Variants in MTA3 observed in about 807,000 individuals in gnomAD.
MTA3 encodes the protein metastasis-associated protein MTA3.
Under a neutral mutation model 83.5 loss-of-function variants are expected in MTA3, and 34 were observed. The observed-to-expected ratio is 0.41, with a 90% CI of 0.31 to 0.54. MTA3 has a LOEUF of 0.54. MTA3 is among the 20% of genes least tolerant of loss of function. The pLI is 0.33. For synonymous variants in MTA3, 303 were observed against 252.7 expected (o/e 1.20, Z -1.89); for missense variants, 761 against 726.4 (o/e 1.05, Z -0.55).
chr2:42,525,079 G>A (rs1675624059), intron 2 of MTA3, among the ~76,000 whole-genome samples: 1 of 151,550 alleles, frequency 6.6e-6, no homozygotes, highest in East Asian at 1.9e-4. Flanking sequence ...TTTAGCGTTA[G>A]GTATATCTCC....
chr2:42,661,173 T>C (rs1389003238), intron 8 of MTA3, among the ~76,000 whole-genome samples: 2 of 152,200 alleles, frequency 1.3e-5, no homozygotes, highest in East Asian at 1.9e-4. Context: ...TTCAGTTGTT[T>C]AGAGCTTCGA....
At chr2:42,649,420 A>G (rs1280112365) in intron 6 of MTA3, among the ~76,000 whole-genome samples, 2 of 152,150 alleles carry the variant, frequency 1.3e-5, no homozygotes, top group Non-Finnish European at 2.9e-5. Flanking sequence ...CTCCAAAAAA[A>G]AAAAAGCTGT....
chr2:42,627,800 A>G (rs547653143), intron 4 of MTA3, among the ~76,000 whole-genome samples: 21 of 147,670 alleles, frequency 1.4e-4, no homozygotes, highest in Admixed American at 3.5e-4. Flanking sequence ...CTGGTCTCAA[A>G]CTCCTGACCT....
In MTA3 at chr2:42,621,240, A is replaced by G. The variant is rs965071993; in HGVS notation, c.317+11656A>G. 3.9e-5 allele frequency among the ~76,000 whole-genome samples: 6 copies of G among 152,064 alleles called. No homozygotes were observed. In the East Asian group the frequency reaches 1.2e-3, roughly 29 times the overall value. On this transcript the variant is annotated intron_variant, in intron 4 of 16. Transcript: ENST00000405094. The stretch of plus-strand genomic sequence containing the variant: ...GGAAGGTCAGCAGATAAACAAGTGA[A>G]CAAAGGTCTCTGGTTTTCCTAGGCA...
chr2:42,523,994 AC>A (rs1268847345), intron 2 of MTA3, among the ~76,000 whole-genome samples: 1 of 152,136 alleles, frequency 6.6e-6, no homozygotes, highest in Non-Finnish European at 1.5e-5. Flanking sequence ...AAGAAAAAAA[AC>A]CAGTAACTTA....
At chr2:42,686,105 A>G (rs367568168) in intron 9 of MTA3, among the ~76,000 whole-genome samples, 113 of 152,292 alleles carry the variant, frequency 7.4e-4, no homozygotes, top group African/African-American at 2.6e-3. Flanking sequence ...TGAGTTTTTT[A>G]AAGTGGTTTC....
At chr2:42,501,914 G>A (rs2103644521) in intron 2 of MTA3, among the ~76,000 whole-genome samples, 1 of 152,250 alleles carries the variant, frequency 6.6e-6, no homozygotes, top group South Asian at 2.1e-4. Flanking sequence ...GTAGACAGAG[G>A]TTGAGGTGAG....
chr2:42,561,328 C>T (rs944434156), intron 2 of MTA3, among the ~76,000 whole-genome samples: 4 of 143,854 alleles, frequency 2.8e-5, no homozygotes, highest in African/African-American at 1.0e-4. Context: ...TTATTTATTT[C>T]TTTTTTTTTT....
rs1675903733 is a variant in MTA3, at chr2:42,530,341, G to C, written c.-141+35087G>C. ...TCTCTACTAAAAATACAAAAAATTA[G>C]CCAGGCTTGGTGGCGGGCGCATGTA... On this transcript the variant is annotated intron_variant, in intron 2 of 17. Coordinates refer to the MTA3 transcript ENST00000405592. Among the ~76,000 whole-genome samples, 3 of 152,046 alleles carry C rather than the reference G, an allele frequency of 2.0e-5. No homozygotes were observed. In the South Asian group the frequency reaches 6.2e-4, roughly 32 times the overall value.
intron 2 of MTA3, among the ~76,000 whole-genome samples, chr2:42,511,387 G>C (rs749174969): frequency 7.3e-5 from 11 of 150,882 alleles, no homozygotes; most frequent in Non-Finnish European, 1.3e-4. Context: ...ATTTGCCTCA[G>C]TTTACTCTGA....
At chr2:42,541,268 T>G (rs1222834177) in intron 2 of MTA3, among the ~76,000 whole-genome samples, 1 of 152,172 alleles carries the variant, frequency 6.6e-6, no homozygotes, top group Non-Finnish European at 1.5e-5. Context: ...CGACCTCAGG[T>G]GATCCACCCG....
intron 2 of MTA3, among the ~76,000 whole-genome samples, chr2:42,540,735 T>G (rs1236322790): frequency 6.6e-6 from 1 of 151,112 alleles, no homozygotes; most frequent in Non-Finnish European, 1.5e-5. Context: ...CTTGGAAGGC[T>G]GAGGTAGAAG....
chr2:42,577,105 A>AAATATATATATATATAT (rs1211189566), intron 2 of MTA3, among the ~76,000 whole-genome samples: 1 of 86,950 alleles, frequency 1.2e-5, no homozygotes, highest in African/African-American at 5.5e-5. Flanking sequence ...AAAAAAAAAA[A>AAATATATATATATATAT]ATATATATAT....
At chr2:42,507,794 G>A (rs560931080) in intron 2 of MTA3, among the ~76,000 whole-genome samples, 6 of 151,728 alleles carry the variant, frequency 4.0e-5, no homozygotes, top group African/African-American at 9.7e-5. Flanking sequence ...AGCCAAGCAC[G>A]GGGGCGCACA....
chr2:42,713,694 T>C (rs1340892194), intron 14 of MTA3, among the ~76,000 whole-genome samples: 1 of 152,214 alleles, frequency 6.6e-6, no homozygotes, highest in Non-Finnish European at 1.5e-5. Context: ...ATTAACATAC[T>C]GTCTATATTG....
Position 42,593,430 on chromosome 2 carries a change from A to G in MTA3, c.190+14230A>G, listed in dbSNP as rs1293082313. Among the ~76,000 whole-genome samples the G allele has an allele frequency of 3.9e-5, 6 of 152,294 alleles. No homozygotes were observed. In the East Asian group the frequency reaches 9.6e-4, roughly 24 times the overall value. ...TCTATGTCAAGTGTTAGTACTGTAC[A>G]TAATTCTATGTGCTATACATTTATT... On this transcript the variant is annotated intron_variant, in intron 3 of 16. Coordinates refer to ENST00000405094, the MANE Select transcript of MTA3 (RefSeq NM_001330442.2).
At chr2:42,748,872 C>T (rs184806613) in intron 16 of MTA3, among the ~76,000 whole-genome samples, 57 of 152,266 alleles carry the variant, frequency 3.7e-4, no homozygotes, top group African/African-American at 1.3e-3. Flanking sequence ...TGGATCACTT[C>T]GATTCTGTGG....
At position 42,754,270 on chromosome 2, in the gene MTA3, A is replaced by G; in HGVS notation, c.*871A>G. 2.0e-6 allele frequency: 2 copies of G among 985,486 alleles called. No homozygotes were observed. Among genetic ancestry groups the G allele is most frequent in the Non-Finnish European group, 1.2e-6 (1 of 829,954 alleles). 61.0% of individuals were successfully genotyped at this position (985,486 alleles called of 1,614,324 possible). ...CCAGGTGGGTCCTACAGCAGGTCACAAATGACCTAGTTTCATTTTAAGCAG... is the reference window on the plus strand; with the variant it reads ...CCAGGTGGGTCCTACAGCAGGTCACGAATGACCTAGTTTCATTTTAAGCAG... On this transcript the variant is annotated 3_prime_UTR_variant, in exon 17 of 17. Transcript: ENST00000405094.
At chr2:42,651,532 G>A (rs1688715797) in intron 6 of MTA3, among the ~76,000 whole-genome samples, 1 of 150,880 alleles carries the variant, frequency 6.6e-6, no homozygotes, top group Non-Finnish European at 1.5e-5. Flanking sequence ...GCTCATGCTT[G>A]TAATCCCAGT....
Sources: gnomAD v4.1 joint callset for allele counts (sites outside exome capture counted in the v4.1 genomes callset) on GRCh38, gnomAD v4.1.1 for gene constraint, MANE v1.5 for transcripts, NCBI Gene and HGNC (gene_info 2026-07-23, HGNC 2026-07-21) for gene names.